Variants in CDH22 observed in about 807,000 individuals in gnomAD.
CDH22 encodes the protein cadherin 22.
A neutral mutation model predicts 58.4 loss-of-function variants in CDH22; 30 were observed. That is an observed-to-expected ratio of 0.51 (90% confidence interval 0.38 to 0.70). The LOEUF is 0.70. Ranked by LOEUF, CDH22 falls within the 30% of genes least tolerant of loss-of-function variation. The pLI is 0.00. For synonymous variants in CDH22, 513 were observed against 558.2 expected, an observed-to-expected ratio of 0.92 and a Z score of 1.14; for missense variants, 1,014 against 1,233.9, an observed-to-expected ratio of 0.82 and a Z score of 2.67.
At position 46,241,014 on chromosome 20, in the gene CDH22, G is replaced by A. The variant is rs139897629; in HGVS notation, c.499C>T (p.Arg167Cys). The part of the protein sequence containing the change: ...KVQDINDSEP[R>C]FLHGPYIGSV... Reference sequence around the variant, plus strand: ...CCAATATAGGGGCCGTGCAGGAAGCGGGGCTCACTGTCATTGATGTCCTGC... The same window carrying A: ...CCAATATAGGGGCCGTGCAGGAAGCAGGGCTCACTGTCATTGATGTCCTGC... The change falls in exon 3 of 12, where the codon CGC becomes TGC. Residue 167 changes from arginine (R) to cysteine (C), a missense_variant. Transcript: ENST00000537909. This position sits in a 1 kb window ranked among gnomAD's most constrained non-coding sequence, Gnocchi z 5.2. The A allele has an allele frequency of 7.4e-4, 1,200 of 1,614,014 alleles. No homozygotes were observed. The highest frequency in any genetic ancestry group is 9.7e-4 in the Non-Finnish European group (1,140 of 1,179,972).
chr20:46,277,304 A>G (rs546553377), intron 1 of CDH22, among the ~76,000 whole-genome samples: 1 of 152,314 alleles, frequency 6.6e-6, no homozygotes, highest in African/African-American at 2.4e-5. Flanking sequence ...AGGCATTAGA[A>G]GATAGTGTTG....
chr20:46,205,194 A>T (rs1337372679), intron 7 of CDH22, among the ~76,000 whole-genome samples: 2 of 152,156 alleles, frequency 1.3e-5, no homozygotes, highest in African/African-American at 4.8e-5. Flanking sequence ...GTATGTGGTT[A>T]ACACTAGTTG....
Position 46,216,945 on chromosome 20 carries a change from C to T in CDH22, c.719G>A (p.Arg240His), listed in dbSNP as rs779229194. 1.1e-5 allele frequency: 17 copies of T among 1,607,354 alleles called. No homozygotes were observed. The highest frequency in any genetic ancestry group is 4.4e-5 in the South Asian group (4 of 90,954). ...VPDLDRESQERYEVVIQATDM... is the reference protein window; with the variant it reads ...VPDLDRESQEHYEVVIQATDM... ...TGTGGCCTGGATCACCACCTCGTAG[C>T]GCTCCTGGCTCTCGCGGTCAAGGTC... Residue 240 changes from arginine to histidine, a missense_variant, in exon 5 of 12, where the codon CGC becomes CAC. Coordinates refer to ENST00000537909, the MANE Select transcript of CDH22 (RefSeq NM_021248.3). The surrounding 1 kb of genome is among the most constrained non-coding windows in gnomAD (Gnocchi z 5.3).
intron 1 of CDH22, among the ~76,000 whole-genome samples, chr20:46,301,764 T>C (rs1308028412): frequency 1.3e-5 from 2 of 151,974 alleles, no homozygotes; most frequent in Non-Finnish European, 2.9e-5. Flanking sequence ...TGAACCGAGA[T>C]TGCGCCCTTG....
intron 4 of CDH22, among the ~76,000 whole-genome samples, chr20:46,225,677 T>TTAA (rs2145708254): frequency 6.6e-6 from 1 of 152,312 alleles, no homozygotes; most frequent in South Asian, 2.1e-4. Context: ...GTATTATCTA[T>TTAA]TAAATGTGAG....
At chr20:46,301,077 T>C (rs1473652349) in intron 1 of CDH22, among the ~76,000 whole-genome samples, 1 of 152,214 alleles carries the variant, frequency 6.6e-6, no homozygotes, top group Admixed American at 6.5e-5. Context: ...CCATTTTTAT[T>C]TTTTAAAAAT....
At position 46,174,777 on chromosome 20, in the gene CDH22, C is replaced by G. The variant is rs1037698951; in HGVS notation, c.2216G>C (p.Ser739Thr). Residue 739 changes from serine to threonine, a missense_variant, in exon 12 of 12, where the codon AGC becomes ACC. This residue lies in a region of CDH22 where 208 missense variants were observed against 195.2 expected (regional missense o/e 1.07). Transcript: ENST00000537909. The surrounding 1 kb of genome is among the most constrained non-coding windows in gnomAD (Gnocchi z 4.4). ...ERHSLPQGPP[S>T]PEPDFSVFRD... ...GAACACTGAGAAGTCTGGCTCGGGGCTCGGCGGCCCCTGCGGCAGCGAGTG... is the reference window on the plus strand; with the variant it reads ...GAACACTGAGAAGTCTGGCTCGGGGGTCGGCGGCCCCTGCGGCAGCGAGTG... The G allele has an allele frequency of 1.3e-6, 2 of 1,517,504 alleles. No homozygotes were observed. Among genetic ancestry groups the G allele is most frequent in the Non-Finnish European group, 1.8e-6 (2 of 1,140,090 alleles). The allele number at this position is 1,517,504 out of a possible 1,614,324, so 94.0% of individuals were successfully genotyped here.
chr20:46,234,749 G>A (rs1032626683), intron 3 of CDH22, among the ~76,000 whole-genome samples: 3 of 152,188 alleles, frequency 2.0e-5, no homozygotes, highest in African/African-American at 7.2e-5. Flanking sequence ...AAGGCTGAAT[G>A]AGATCTTAGA....
chr20:46,276,709 G>A (rs1035007080), intron 1 of CDH22, among the ~76,000 whole-genome samples: 1 of 152,188 alleles, frequency 6.6e-6, no homozygotes, highest in South Asian at 2.1e-4. Context: ...TGGACTTTCA[G>A]GGGTGACTCA....
At chr20:46,263,460 G>A (rs2086444031) in intron 1 of CDH22, among the ~76,000 whole-genome samples, 1 of 151,880 alleles carries the variant, frequency 6.6e-6, no homozygotes, top group African/African-American at 2.4e-5. Flanking sequence ...GTGAAGCAGG[G>A]GAGATACATT....
intron 7 of CDH22, among the ~76,000 whole-genome samples, chr20:46,200,195 T>G (rs6104500): frequency 6.6e-6 from 1 of 151,764 alleles, no homozygotes; most frequent in Non-Finnish European, 1.5e-5. Flanking sequence ...AGGATGGTCT[T>G]GATCTCCTGA....
At position 46,229,022 on chromosome 20, in the gene CDH22, G is replaced by C. The variant is rs138786836; in HGVS notation, c.551-1395C>G. Among the ~76,000 whole-genome samples, 1,226 of 152,044 alleles carry C rather than the reference G, an allele frequency of 8.1e-3. 15 individuals carry two copies. The highest frequency in any genetic ancestry group is 0.028 in the African/African-American group (1,180 of 41,472). ...CCTCCCAGCCACAGTCTCCTAAAACGTCCCTGCAATGCGCCTCTCTCTTTG... is the reference window on the plus strand; with the variant it reads ...CCTCCCAGCCACAGTCTCCTAAAACCTCCCTGCAATGCGCCTCTCTCTTTG... On this transcript the variant is annotated intron_variant, in intron 3 of 11. Coordinates refer to ENST00000537909, the MANE Select transcript of CDH22 (RefSeq NM_021248.3).
intron 1 of CDH22, among the ~76,000 whole-genome samples, chr20:46,258,012 C>T (rs919389976): frequency 6.6e-6 from 1 of 152,158 alleles, no homozygotes; most frequent in African/African-American, 2.4e-5. Flanking sequence ...TCCAACTTTG[C>T]CTGGGACAGC....
chr20:46,257,013 A>G (rs1194905831), intron 1 of CDH22, among the ~76,000 whole-genome samples: 1 of 33,280 alleles, frequency 3.0e-5, no homozygotes, highest in Non-Finnish European at 6.3e-5. Context: ...TCTCTAAAAG[A>G]AAAAAAAAAA....
At chr20:46,178,291 C>T in intron 10 of CDH22, 94 bp from the exon 11 acceptor site, 1 of 1,404,632 alleles carries the variant, frequency 7.1e-7, no homozygotes, top group Non-Finnish European at 9.7e-7. Context: ...GATTTGCCTC[C>T]CTATGCCCCA....
Position 46,241,181 on chromosome 20 carries a change from A to G in CDH22, c.332T>C (p.Leu111Pro). The part of the protein sequence containing the change: ...ISGEGAGTIF[L>P]IDELTGDIHA... ...AATGTCGCCTGTCAGCTCGTCGATCAGGAAGATGGTCCCAGCACCCTCGCC... is the reference window on the plus strand; with the variant it reads ...AATGTCGCCTGTCAGCTCGTCGATCGGGAAGATGGTCCCAGCACCCTCGCC... The change falls in exon 3 of 12, where the codon CTG becomes CCG. Residue 111 changes from leucine (L) to proline (P), a missense_variant. Physicochemically the swap from Leu to Pro is moderately conservative, Grantham distance 98. Around this residue, in one of 2 missense-constraint regions of CDH22, gnomAD observed 806 missense variants for 1,038.7 expected, o/e 0.78. Coordinates refer to ENST00000537909, the MANE Select transcript of CDH22 (RefSeq NM_021248.3). The surrounding 1 kb of genome is among the most constrained non-coding windows in gnomAD (Gnocchi z 5.2). 1 of 1,614,134 alleles carries G rather than the reference A, an allele frequency of 6.2e-7. No homozygotes were observed. Among genetic ancestry groups the G allele is most frequent in the Non-Finnish European group, 8.5e-7 (1 of 1,180,004 alleles).
At chr20:46,223,612 C>CTTTTTCTTTCTTTCT (rs200576586) in intron 4 of CDH22, among the ~76,000 whole-genome samples, 1 of 151,392 alleles carries the variant, frequency 6.6e-6, no homozygotes, top group Non-Finnish European at 1.5e-5. Context: ...TGATTTCTTT[C>CTTTTTCTTTCTTTCT]TTTTTCTTTC....
chr20:46,280,067 A>C (rs1008291418), intron 1 of CDH22, among the ~76,000 whole-genome samples: 10 of 152,144 alleles, frequency 6.6e-5, no homozygotes, highest in Middle Eastern at 3.2e-3. Context: ...TGGGAGTCAC[A>C]CCTGGGGCTG....
intron 10 of CDH22, among the ~76,000 whole-genome samples, chr20:46,185,362 C>G (rs960137797): frequency 6.6e-6 from 1 of 152,084 alleles, no homozygotes; most frequent in Non-Finnish European, 1.5e-5. Context: ...TGGACTCAGG[C>G]AGGGCAGGGC....
Sources: allele counts gnomAD v4.1 joint callset (sites outside exome capture counted in the v4.1 genomes callset), GRCh38; gene constraint gnomAD v4.1.1; regional missense constraint gnomAD v4.1.1; non-coding constraint Gnocchi (gnomAD v3.1); transcripts MANE v1.5; gene names NCBI Gene and HGNC (gene_info 2026-07-23, HGNC 2026-07-21).